The following RALB variants were observed in gnomAD, a reference collection of about 807,000 sequenced individuals.
The protein encoded by RALB is RAS like proto-oncogene B.
In RALB, 16 loss-of-function variants were observed where a neutral mutation model predicts 21.3. That is an observed-to-expected ratio of 0.75 (90% CI 0.51 to 1.14). RALB has a LOEUF of 1.14. RALB is among the 50% of genes most tolerant of loss of function. The pLI is 0.00. For synonymous variants in RALB, 93 were observed against 96.1 expected, an observed-to-expected ratio of 0.97 and a Z score of 0.19; for missense variants, 161 against 256.2, an observed-to-expected ratio of 0.63 and a Z score of 2.54.
chr2:120,280,967 G>T, intron 2 of RALB: 3 of 382,272 alleles, frequency 7.8e-6, no homozygotes, highest in Non-Finnish European at 1.0e-5. Context: ...TGTGATGTCA[G>T]TGCTGTTTGT....
intron 1 of RALB, among the ~76,000 whole-genome samples, chr2:120,264,627 A>G (rs1689454187): frequency 6.6e-6 from 1 of 152,208 alleles, no homozygotes; most frequent in African/African-American, 2.4e-5. Flanking sequence ...TCAACATTTT[A>G]CCTATTTTCA....
At chr2:120,279,973 C>G (rs1034200035) in intron 2 of RALB, among the ~76,000 whole-genome samples, 1 of 152,092 alleles carries the variant, frequency 6.6e-6, no homozygotes, top group East Asian at 1.9e-4. Context: ...TTTGGAGTCA[C>G]GCGGCATGTG....
intron 1 of RALB, among the ~76,000 whole-genome samples, chr2:120,267,417 C>T (rs542628886): frequency 2.0e-5 from 3 of 152,104 alleles, no homozygotes; most frequent in Admixed American, 2.0e-4. Flanking sequence ...AGTCATAACG[C>T]GTATGAGCAT....
chr2:120,290,610 A>T (rs1233925673), intron 4 of RALB, among the ~76,000 whole-genome samples: 1 of 147,818 alleles, frequency 6.8e-6, no homozygotes, highest in Non-Finnish European at 1.5e-5. Context: ...ATTTGCTCTC[A>T]GAACTCAAAT....
intron 4 of RALB, among the ~76,000 whole-genome samples, chr2:120,290,614 C>A (rs1690283321): frequency 6.8e-6 from 1 of 146,148 alleles, no homozygotes; most frequent in Non-Finnish European, 1.5e-5. Context: ...GCTCTCAGAA[C>A]TCAAATCTCT....
chr2:120,262,367 G>C (rs1201706639), intron 1 of RALB, among the ~76,000 whole-genome samples: 1 of 152,294 alleles, frequency 6.6e-6, no homozygotes, highest in Non-Finnish European at 1.5e-5. Flanking sequence ...GCACACCCAG[G>C]TCTCAGAGCT....
At chr2:120,282,018 C>T (rs2104645656) in intron 2 of RALB, among the ~76,000 whole-genome samples, 1 of 152,312 alleles carries the variant, frequency 6.6e-6, no homozygotes, top group Middle Eastern at 3.4e-3. Context: ...TCCTACATCA[C>T]ACAGGACAGC....
intron 1 of RALB, among the ~76,000 whole-genome samples, chr2:120,276,121 G>A (rs1040312088): frequency 1.3e-5 from 2 of 150,884 alleles, no homozygotes; most frequent in Non-Finnish European, 3.0e-5. Context: ...TATTGCACAT[G>A]TGCTAAAAAT....
chr2:120,253,086 C>T, intron 1 of RALB, 106 bp downstream of exon 1: 5 of 788,034 alleles, frequency 6.3e-6, no homozygotes, highest in Non-Finnish European at 7.7e-6. Flanking sequence ...CGGGCTGTGG[C>T]CGGGCGGCGG....
At chr2:120,283,464 C>G (rs1244645265) in intron 2 of RALB, among the ~76,000 whole-genome samples, 2 of 152,084 alleles carry the variant, frequency 1.3e-5, no homozygotes, top group African/African-American at 4.8e-5. Context: ...AATTGTTTAG[C>G]TTATGTGATG....
chr2:120,248,900 C>A (rs1469917695), upstream of RALB, among the ~76,000 whole-genome samples: 7 of 152,024 alleles, frequency 4.6e-5, no homozygotes, highest in Non-Finnish European at 1.0e-4. Flanking sequence ...GAACTCCTGA[C>A]CCCAGGAGAT....
chr2:120,242,058 G>A (rs1015610859), intron 1 of RALB, among the ~76,000 whole-genome samples: 9 of 152,194 alleles, frequency 5.9e-5, no homozygotes, highest in African/African-American at 2.2e-4. Flanking sequence ...TGTGGCACAC[G>A]TGATGGAATG....
At chr2:120,249,829 A>T (rs1419415971), upstream of RALB, among the ~76,000 whole-genome samples, 5 of 152,178 alleles carry the variant, frequency 3.3e-5, no homozygotes, top group Admixed American at 2.0e-4. Context: ...CCCCTGCATC[A>T]TCTGGCTCTT....
intron 1 of RALB, among the ~76,000 whole-genome samples, chr2:120,267,093 T>C (rs920529069): frequency 6.6e-6 from 1 of 152,320 alleles, no homozygotes; most frequent in African/African-American, 2.4e-5. Context: ...AGGAATAGCA[T>C]GTGCACAGAG....
At chr2:120,278,538 A>T (rs749404219) in intron 1 of RALB, 80 bp from the exon 2 acceptor site, 11 of 1,270,978 alleles carry the variant, frequency 8.7e-6, no homozygotes, top group Non-Finnish European at 1.0e-6. Flanking sequence ...GTTAGGCTTT[A>T]ATGGAGGATG....
chr2:120,273,040 C>T (rs905495535), intron 1 of RALB, among the ~76,000 whole-genome samples: 7 of 152,186 alleles, frequency 4.6e-5, no homozygotes, highest in African/African-American at 1.7e-4. Context: ...TGTGTCATCG[C>T]CCGTTGGGTC....
chr2:120,277,702 GGTGT>G (rs547902944), intron 1 of RALB, among the ~76,000 whole-genome samples: 2 of 151,358 alleles, frequency 1.3e-5, no homozygotes, highest in Admixed American at 6.6e-5. Context: ...TGTGTATGTG[GGTGT>G]GTGTGATAGT....
At chr2:120,256,286 C>T (rs7601517) in intron 1 of RALB, among the ~76,000 whole-genome samples, 1 of 152,134 alleles carries the variant, frequency 6.6e-6, no homozygotes, top group Non-Finnish European at 1.5e-5. Context: ...TAGCTTTTCT[C>T]CCCAGAGCAA....
At chr2:120,253,430 G>A in intron 1 of RALB, 4 of 985,674 alleles carry the variant, frequency 4.1e-6, no homozygotes, top group Non-Finnish European at 4.8e-6. Context: ...TGTTCCTAAA[G>A]GGCTTCGGTT....
Sources: allele counts gnomAD v4.1 joint callset (sites outside exome capture counted in the v4.1 genomes callset), GRCh38; gene constraint gnomAD v4.1.1; transcripts MANE v1.5; gene names NCBI Gene and HGNC (gene_info 2026-07-23, HGNC 2026-07-21).